The following TRNP1 variants were observed in gnomAD, a reference collection of about 807,000 sequenced individuals.
TRNP1 encodes TMF-regulated nuclear protein 1.
Under a neutral mutation model 12.2 loss-of-function variants are expected in TRNP1, and 16 were observed. The ratio of observed to expected loss-of-function variants is 1.31; its 90% CI spans 0.89 to 1.99. TRNP1 has a LOEUF of 1.99. TRNP1 is among the 30% of genes most tolerant of loss of function. The pLI is 0.00. For missense variants in TRNP1, 338 were observed against 330.4 expected, an observed-to-expected ratio of 1.02 and a Z score of -0.18; for synonymous variants, 139 against 166.2, an observed-to-expected ratio of 0.84 and a Z score of 1.26.
chr1:26,995,553 A>G (rs540481136), intron 1 of TRNP1, among the ~76,000 whole-genome samples: 1 of 152,360 alleles, frequency 6.6e-6, no homozygotes, highest in East Asian at 1.9e-4. Flanking sequence ...TTAACCTCCC[A>G]GAGGGGCTGT....
intron 1 of TRNP1, among the ~76,000 whole-genome samples, chr1:26,996,156 G>A (rs1395922768): frequency 6.6e-6 from 1 of 152,214 alleles, no homozygotes; most frequent in African/African-American, 2.4e-5. Context: ...CTGTGACTTA[G>A]AACAACTCTG....
rs981639732 is a variant in TRNP1, at chr1:26,993,730, G to A, written c.-57G>A. On this transcript the variant is annotated 5_prime_UTR_variant, in exon 1 of 2. Coordinates refer to ENST00000522111, the MANE Select transcript of TRNP1 (RefSeq NM_001013642.3). Reference sequence around the variant, plus strand: ...TGGCCGTGTCTAGCTGTTCGGGTGTGCTGTGGTCATCCTCCCTGCGCACCT... The same window carrying A: ...TGGCCGTGTCTAGCTGTTCGGGTGTACTGTGGTCATCCTCCCTGCGCACCT... The A allele has an allele frequency of 1.6e-6, 2 of 1,272,880 alleles. No individual in the cohort carries two copies. The highest frequency in any genetic ancestry group is 6.3e-5 in the East Asian group (2 of 31,820). The allele number at this position is 1,272,880 out of a possible 1,614,324, so 78.8% of individuals were successfully genotyped here. A position where few individuals can be genotyped will look rare whatever the true frequency, so the allele number is the denominator to read the frequency against.
rs1362999595 is a variant in TRNP1, at chr1:26,994,814, T to G, written c.*142+202T>G. Among the ~76,000 whole-genome samples the G allele has an allele frequency of 6.6e-6, 1 of 152,184 alleles. No individual in the cohort carries two copies. Among genetic ancestry groups the G allele is most frequent in the East Asian group, 1.9e-4 (1 of 5,186 alleles). Reference sequence around the variant, plus strand: ...GTCTCCATTATAAGAGTTGGACTCTTGAGGGGGCTCAGATCCCAGGAACGG... The same window carrying G: ...GTCTCCATTATAAGAGTTGGACTCTGGAGGGGGCTCAGATCCCAGGAACGG... On this transcript the variant is annotated intron_variant, in intron 1 of 1. Coordinates refer to ENST00000522111, the MANE Select transcript of TRNP1 (RefSeq NM_001013642.3). The surrounding 1 kb of genome is among the most constrained non-coding windows in gnomAD (Gnocchi z 6.9).
chr1:26,996,280 C>G (rs1295905252), intron 1 of TRNP1, among the ~76,000 whole-genome samples: 1 of 152,230 alleles, frequency 6.6e-6, no homozygotes, highest in Non-Finnish European at 1.5e-5. Context: ...GTGCACTGCT[C>G]TGATAGGCTG....
chr1:26,996,744 A>G (rs1276078555), intron 1 of TRNP1, among the ~76,000 whole-genome samples: 1 of 151,754 alleles, frequency 6.6e-6, no homozygotes, highest in African/African-American at 2.4e-5. Context: ...GCTTGTCCCG[A>G]TTTGGGGGTG....
chr1:26,995,028 G>C (rs2082538878), intron 1 of TRNP1, among the ~76,000 whole-genome samples: 1 of 152,218 alleles, frequency 6.6e-6, no homozygotes, highest in East Asian at 1.9e-4. Flanking sequence ...CCCAGGATGG[G>C]GTGGAGGCTG....
Position 26,993,709 on chromosome 1 carries a change from C to T in TRNP1, c.-78C>T, listed in dbSNP as rs1032054903. 6 of 1,222,814 alleles carry T rather than the reference C, an allele frequency of 4.9e-6. No homozygotes were observed. Among genetic ancestry groups the T allele is most frequent in the Non-Finnish European group, 2.0e-6 (2 of 985,652 alleles). The allele number at this position is 1,222,814 out of a possible 1,614,324, so 75.7% of individuals were successfully genotyped here. On this transcript the variant is annotated 5_prime_UTR_variant, in exon 1 of 2. Coordinates refer to ENST00000522111, the MANE Select transcript of TRNP1 (RefSeq NM_001013642.3). Reference sequence around the variant, plus strand: ...GCGCCTCTGGGGTGGGGGCTGTGGCCGTGTCTAGCTGTTCGGGTGTGCTGT... The same window carrying T: ...GCGCCTCTGGGGTGGGGGCTGTGGCTGTGTCTAGCTGTTCGGGTGTGCTGT...
rs548756911 is a variant in TRNP1, at chr1:27,000,492, T to C, written c.*788T>C. ...AATGTAAAACATCTAAGCAAAGTTT[T>C]AAATGAAAAAAAGGAAACACATTTA... On this transcript the variant is annotated 3_prime_UTR_variant, in exon 2 of 2. Coordinates refer to ENST00000522111, the MANE Select transcript of TRNP1 (RefSeq NM_001013642.3). 6.6e-6 allele frequency: 1 copy of C among 152,656 alleles called. No homozygotes were observed. The highest frequency in any genetic ancestry group is 1.9e-4 in the East Asian group (1 of 5,184). The allele number at this position is 152,656 out of a possible 1,614,324, so 9.5% of individuals were successfully genotyped here. A position where few individuals can be genotyped will look rare whatever the true frequency, so the allele number is the denominator to read the frequency against.
chr1:26,997,265 G>C (rs1333315698), intron 1 of TRNP1, among the ~76,000 whole-genome samples: 1 of 144,740 alleles, frequency 6.9e-6, no homozygotes, highest in Non-Finnish European at 1.5e-5. Context: ...AACTCGGGAG[G>C]TGGAGGTTGC....
intron 1 of TRNP1, among the ~76,000 whole-genome samples, chr1:26,998,794 C>G (rs766873171): frequency 3.9e-5 from 6 of 152,188 alleles, no homozygotes; most frequent in Non-Finnish European, 8.8e-5. Context: ...GGTTATTATT[C>G]CCATTTCCAC....
Position 26,993,781 on chromosome 1 carries a change from CGG to C in TRNP1, c.-2_-1del. ...ACAGCCGCAGACCGCCGGTGGGGGGCGGGGGATGCCGGGCTGCCGCATCAGCG... is the reference window on the plus strand; with the variant it reads ...ACAGCCGCAGACCGCCGGTGGGGGGCGGGATGCCGGGCTGCCGCATCAGCG... On this transcript the variant is annotated 5_prime_UTR_variant, in exon 1 of 2. Coordinates refer to ENST00000522111, the MANE Select transcript of TRNP1 (RefSeq NM_001013642.3). 1 of 1,234,134 alleles carries C rather than the reference CGG, an allele frequency of 8.1e-7. No individual in the cohort carries two copies. The highest frequency in any genetic ancestry group is 1.0e-6 in the Non-Finnish European group (1 of 997,442). 76.4% of individuals were successfully genotyped at this position (1,234,134 alleles called of 1,614,324 possible). A position where few individuals can be genotyped will look rare whatever the true frequency, so the allele number is the denominator to read the frequency against.
In TRNP1 at chr1:26,993,785, G is replaced by A. The variant is rs1349111807; in HGVS notation, c.-2G>A. 1 of 1,316,046 alleles carries A rather than the reference G, an allele frequency of 7.6e-7. No homozygotes were observed. Among genetic ancestry groups the A allele is most frequent in the East Asian group, 3.1e-5 (1 of 32,374 alleles). The allele number at this position is 1,316,046 out of a possible 1,614,324, so 81.5% of individuals were successfully genotyped here. ...CCGCAGACCGCCGGTGGGGGGCGGG[G>A]GATGCCGGGCTGCCGCATCAGCGCC... On this transcript the variant is annotated 5_prime_UTR_variant, in exon 1 of 2. Coordinates refer to ENST00000522111, the MANE Select transcript of TRNP1 (RefSeq NM_001013642.3).
intron 1 of TRNP1, among the ~76,000 whole-genome samples, chr1:26,997,288 C>CCT (rs2082549585): frequency 6.8e-6 from 1 of 146,664 alleles, no homozygotes; most frequent in Admixed American, 6.9e-5. Flanking sequence ...CGCACTCCAG[C>CCT]CTGGGCAACA....
Position 27,000,318 on chromosome 1 carries a change from A to C in TRNP1, c.*614A>C, listed in dbSNP as rs1182681003. On this transcript the variant is annotated 3_prime_UTR_variant, in exon 2 of 2. Coordinates refer to ENST00000522111, the MANE Select transcript of TRNP1 (RefSeq NM_001013642.3). ...GGCGCCGGGAGGCCTGTTTGAGGGA[A>C]AACATTAGTTTGAAAAATCCCCGTT... is the stretch of plus-strand genomic sequence containing the variant. 1 of 152,194 alleles carries C rather than the reference A, an allele frequency of 6.6e-6. No individual in the cohort carries two copies. The highest frequency in any genetic ancestry group is 6.5e-5 in the Admixed American group (1 of 15,268). 9.4% of individuals were successfully genotyped at this position (152,194 alleles called of 1,614,324 possible).
chr1:26,997,674 T>C (rs2082551919), intron 1 of TRNP1, among the ~76,000 whole-genome samples: 1 of 152,116 alleles, frequency 6.6e-6, no homozygotes, highest in Admixed American at 6.5e-5. Flanking sequence ...CGGCCACCAA[T>C]GAATTTATAT....
At position 26,993,726 on chromosome 1, in the gene TRNP1, G is replaced by A. The variant is rs916188762; in HGVS notation, c.-61G>A. 5.6e-6 allele frequency: 7 copies of A among 1,260,064 alleles called. 1 individual carries two copies. The highest frequency in any genetic ancestry group is 6.2e-4 in the Middle Eastern group (2 of 3,244). The allele number at this position is 1,260,064 out of a possible 1,614,324, so 78.1% of individuals were successfully genotyped here. A position where few individuals can be genotyped will look rare whatever the true frequency, so the allele number is the denominator to read the frequency against. ...GCTGTGGCCGTGTCTAGCTGTTCGG[G>A]TGTGCTGTGGTCATCCTCCCTGCGC... On this transcript the variant is annotated 5_prime_UTR_variant, in exon 1 of 2. It adds an upstream start codon to the 5' untranslated region. Coordinates refer to ENST00000522111, the MANE Select transcript of TRNP1 (RefSeq NM_001013642.3).
At chr1:26,997,364 C>G (rs926779967) in intron 1 of TRNP1, among the ~76,000 whole-genome samples, 1 of 143,432 alleles carries the variant, frequency 7.0e-6, no homozygotes, top group South Asian at 2.4e-4. Context: ...CCTCCATTTT[C>G]TTCTTAATTA....
chr1:26,995,350 C>T (rs2124192915), intron 1 of TRNP1, among the ~76,000 whole-genome samples: 1 of 152,324 alleles, frequency 6.6e-6, no homozygotes, highest in East Asian at 1.9e-4. Context: ...CCCAAGGGGG[C>T]AGGTGTGGTA....
rs937647880 is a variant in TRNP1 at position 27,000,368 on chromosome 1, C to T, written c.*664C>T. 114 of 152,442 alleles carry T rather than the reference C, an allele frequency of 7.5e-4. No homozygotes were observed. The highest frequency in any genetic ancestry group is 4.4e-5 in the Non-Finnish European group (3 of 68,048). 9.4% of individuals were successfully genotyped at this position (152,442 alleles called of 1,614,324 possible). A position where few individuals can be genotyped will look rare whatever the true frequency, so the allele number is the denominator to read the frequency against. On this transcript the variant is annotated 3_prime_UTR_variant, in exon 2 of 2. Transcript: ENST00000522111. Reference sequence around the variant, plus strand: ...TCCCTTCATCCACTGCCCTTGTTCTCCACGTGGGAGTGTGCTTGTGGCCCC... The same window carrying T: ...TCCCTTCATCCACTGCCCTTGTTCTTCACGTGGGAGTGTGCTTGTGGCCCC...
Sources: allele counts gnomAD v4.1 joint callset (sites outside exome capture counted in the v4.1 genomes callset), GRCh38; gene constraint gnomAD v4.1.1; non-coding constraint Gnocchi (gnomAD v3.1); transcripts MANE v1.5; gene names NCBI Gene and HGNC (gene_info 2026-07-23, HGNC 2026-07-21).